Variants in TBC1D4 observed in about 807,000 individuals in gnomAD.
The protein encoded by TBC1D4 is TBC1 domain family member 4.
A neutral mutation model predicts 142.5 loss-of-function variants in TBC1D4; 121 were observed. That is an observed-to-expected ratio of 0.85 (90% confidence interval 0.73 to 0.99). The LOEUF (loss-of-function observed/expected upper bound fraction) is 0.99, where lower values mean the gene tolerates loss of function less well. Among genes scored for constraint, TBC1D4 ranks in the 50% least tolerant of loss-of-function variants. The pLI, the probability that TBC1D4 is intolerant of heterozygous loss-of-function variation, is 0.00. For missense variants in TBC1D4, 1,475 were observed against 1,606.6 expected, an observed-to-expected ratio of 0.92 and a Z score of 1.40; for synonymous variants, 630 against 628.2, an observed-to-expected ratio of 1.00 and a Z score of -0.04.
chr13:75,306,006 G>A (rs145260767), intron 15 of TBC1D4, among the ~76,000 whole-genome samples: 1 of 152,210 alleles, frequency 6.6e-6, no homozygotes, highest in African/African-American at 2.4e-5. Context: ...CTGACCAAAT[G>A]ATGAAAATGA....
At chr13:75,473,757 A>T (rs1394593626) in intron 1 of TBC1D4, among the ~76,000 whole-genome samples, 1 of 152,364 alleles carries the variant, frequency 6.6e-6, no homozygotes, top group African/African-American at 2.4e-5. Flanking sequence ...GCACAAACCT[A>T]TGGCAAGATT....
In TBC1D4 at chr13:75,284,152, G is replaced by A. The variant is rs1423086630; in HGVS notation, c.*2640C>T. Among the ~76,000 whole-genome samples, 2 of 152,116 alleles carry A rather than the reference G, an allele frequency of 1.3e-5. No homozygotes were observed. Among genetic ancestry groups the A allele is most frequent in the Non-Finnish European group, 2.9e-5 (2 of 68,032 alleles). On this transcript the variant is annotated 3_prime_UTR_variant, in exon 21 of 21. Transcript: ENST00000377636. ...TTCACCATGCAGATCTTGTAAAGCA[G>A]CGGTCTTCAACCTTCTTGACACCAG...
At chr13:75,480,031 CA>C in intron 1 of TBC1D4, among the ~76,000 whole-genome samples, 1 of 144,758 alleles carries the variant, frequency 6.9e-6, no homozygotes, top group African/African-American at 2.6e-5. Flanking sequence ...GACTCCGTCT[CA>C]AAAAAAAAAA....
rs869097826 is a variant in TBC1D4 at position 75,379,885 on chromosome 13, CTCTTTTT to C, written c.499-17285_499-17279del. On this transcript the variant is annotated intron_variant, in intron 1 of 20. Coordinates refer to ENST00000377636, the MANE Select transcript of TBC1D4 (RefSeq NM_014832.5). ...AAGTATATCAGTTTTGTTCATCTGA[CTCTTTTT>C]TTTTTTTTTTTTTTTTTTTTTTTTT... Among the ~76,000 whole-genome samples, 608 of 98,518 alleles carry C rather than the reference CTCTTTTT, an allele frequency of 6.2e-3. 143 individuals carry two copies. The highest frequency in any genetic ancestry group is 0.021 in the South Asian group (47 of 2,256). 64.6% of individuals were successfully genotyped at this position (98,518 alleles called of 152,430 possible).
chr13:75,432,492 G>C (rs948963225), intron 1 of TBC1D4, among the ~76,000 whole-genome samples: 1 of 152,042 alleles, frequency 6.6e-6, no homozygotes, highest in Non-Finnish European at 1.5e-5. Flanking sequence ...AGAAGCACTG[G>C]GGACTAGGAA....
intron 8 of TBC1D4, among the ~76,000 whole-genome samples, chr13:75,335,697 C>T (rs902538869): frequency 3.3e-5 from 5 of 152,040 alleles, no homozygotes; most frequent in African/African-American, 4.8e-5. Context: ...TGCAGCACCT[C>T]CTCATTCTCT....
chr13:75,401,767 T>C (rs1885106381), intron 1 of TBC1D4, among the ~76,000 whole-genome samples: 1 of 152,220 alleles, frequency 6.6e-6, no homozygotes, highest in African/African-American at 2.4e-5. Context: ...AAGTTTTAAC[T>C]AGTTTTAGAA....
chr13:75,416,006 T>C (rs1436552051), intron 1 of TBC1D4, among the ~76,000 whole-genome samples: 5 of 152,222 alleles, frequency 3.3e-5, no homozygotes, highest in Admixed American at 3.3e-4. Flanking sequence ...CAATACACTT[T>C]GATTTGTAAC....
At chr13:75,448,497 G>A (rs1030691139) in intron 1 of TBC1D4, among the ~76,000 whole-genome samples, 8 of 151,476 alleles carry the variant, frequency 5.3e-5, no homozygotes, top group Admixed American at 1.3e-4. Context: ...GAACCCGTTA[G>A]GTGGAGGTTT....
At chr13:75,396,684 A>C (rs1884809321) in intron 1 of TBC1D4, among the ~76,000 whole-genome samples, 1 of 152,168 alleles carries the variant, frequency 6.6e-6, no homozygotes, top group South Asian at 2.1e-4. Flanking sequence ...GAAAAAGAAA[A>C]AAACAATGAT....
chr13:75,309,308 A>G (rs1877507563), intron 14 of TBC1D4, among the ~76,000 whole-genome samples: 1 of 152,128 alleles, frequency 6.6e-6, no homozygotes, highest in Non-Finnish European at 1.5e-5. Context: ...AATCTTAGCA[A>G]TAAGGCACCA....
chr13:75,427,665 A>G (rs775273426), intron 1 of TBC1D4, among the ~76,000 whole-genome samples: 8 of 152,214 alleles, frequency 5.3e-5, no homozygotes, highest in Admixed American at 2.0e-4. Context: ...ACTTGCCCCA[A>G]TACTCACGCT....
At chr13:75,365,013 C>G (rs12875937) in intron 1 of TBC1D4, among the ~76,000 whole-genome samples, 1 of 152,132 alleles carries the variant, frequency 6.6e-6, no homozygotes, top group African/African-American at 2.4e-5. Context: ...ATTTCTCTAC[C>G]GCCATATCAA....
At position 75,481,788 on chromosome 13, in the gene TBC1D4, A is replaced by G; in HGVS notation, c.-21T>C. ...TCCATAACTCTCGCCTCACCAGGGC[A>G]CCGCGGAGGCCGGCCGGGCGCACCG... is the stretch of plus-strand genomic sequence containing the variant. On this transcript the variant is annotated 5_prime_UTR_variant, in exon 1 of 21. Coordinates refer to ENST00000377636, the MANE Select transcript of TBC1D4 (RefSeq NM_014832.5). 3.1e-5 allele frequency: 47 copies of G among 1,504,162 alleles called. No individual in the cohort carries two copies. The highest frequency in any genetic ancestry group is 4.1e-5 in the Non-Finnish European group (47 of 1,135,472). 93.2% of individuals were successfully genotyped at this position (1,504,162 alleles called of 1,614,324 possible). A position where few individuals can be genotyped will look rare whatever the true frequency, so the allele number is the denominator to read the frequency against.
At chr13:75,304,355 T>C (rs1190687328) in intron 15 of TBC1D4, among the ~76,000 whole-genome samples, 2 of 152,200 alleles carry the variant, frequency 1.3e-5, no homozygotes, top group Admixed American at 6.5e-5. Context: ...GCAGTCAGGA[T>C]GCCTCATCAT....
At chr13:75,455,470 C>T (rs183393080) in intron 1 of TBC1D4, among the ~76,000 whole-genome samples, 55 of 152,106 alleles carry the variant, frequency 3.6e-4, no homozygotes, top group Non-Finnish European at 6.2e-4. Context: ...AGCCAAGTGC[C>T]GTGGGACAGG....
At chr13:75,463,192 C>A (rs1593913732) in intron 1 of TBC1D4, among the ~76,000 whole-genome samples, 11 of 148,808 alleles carry the variant, frequency 7.4e-5, no homozygotes. Context: ...AAAAAAAAGT[C>A]ATAACAATCT....
intron 1 of TBC1D4, among the ~76,000 whole-genome samples, chr13:75,423,522 G>C (rs554116526): frequency 6.6e-5 from 10 of 152,048 alleles, no homozygotes; most frequent in Non-Finnish European, 1.5e-4. Context: ...AAAGGAAAGA[G>C]GGAGATTAAA....
intron 1 of TBC1D4, among the ~76,000 whole-genome samples, chr13:75,465,050 T>C (rs1259499685): frequency 6.6e-6 from 1 of 152,200 alleles, no homozygotes; most frequent in Non-Finnish European, 1.5e-5. Context: ...TTTATACAAA[T>C]GAATTCACTC....
Sources: allele counts gnomAD v4.1 joint callset (sites outside exome capture counted in the v4.1 genomes callset), GRCh38; gene constraint gnomAD v4.1.1; transcripts MANE v1.5; gene names NCBI Gene and HGNC (gene_info 2026-07-23, HGNC 2026-07-21).